The following DMRTC1 variants were observed in gnomAD, a reference collection of about 807,000 sequenced individuals.
DMRTC1 encodes the protein doublesex- and mab-3-related transcription factor C1.
For synonymous variants in DMRTC1, 7 were observed against 14.1 expected, an observed-to-expected ratio of 0.50 and a Z score of 1.13; for missense variants, 9 against 34.6, an observed-to-expected ratio of 0.26 and a Z score of 1.86.
chrX:72,879,119 G>T (rs2054824860), intron 1 of DMRTC1, among the ~76,000 whole-genome samples: 1 of 72,503 alleles, frequency 1.4e-5, no homozygotes, highest in Admixed American at 1.8e-4. Context: ...AGTAGAAATA[G>T]AATTGAAGTT....
intron 1 of DMRTC1, among the ~76,000 whole-genome samples, chrX:72,882,254 G>A (rs1556353168): frequency 1.8e-5 from 1 of 55,993 alleles, no homozygotes; most frequent in African/African-American, 7.1e-5. Flanking sequence ...TGCATTTGCT[G>A]TGGCAGAGAC....
Position 72,880,659 on chromosome X carries a change from T to TTTGCTTTGCTTTG in DMRTC1, c.-94-4872_-94-4871insCAAAGCAAAGCAA, listed in dbSNP as rs1569461353. Among the ~76,000 whole-genome samples the TTTGCTTTGCTTTG allele has an allele frequency of 9.1e-4, 12 of 13,236 alleles. No individual in the cohort carries two copies. In the East Asian group the frequency reaches 0.032, roughly 35 times the overall value. 11.5% of individuals were successfully genotyped at this position (13,236 alleles called of 115,157 possible). A position where few individuals can be genotyped will look rare whatever the true frequency, so the allele number is the denominator to read the frequency against. Reference sequence around the variant, plus strand: ...TTGCTTTGCTTTGCTTTGCTTTTTCTCTTTGCTTTGCTTTGCTTTTTCTCT... The same window carrying TTTGCTTTGCTTTG: ...TTGCTTTGCTTTGCTTTGCTTTTTCTTTGCTTTGCTTTGCTTTGCTTTGCTTTGCTTTTTCTCT... On this transcript the variant is annotated intron_variant, in intron 1 of 6. Transcript: ENST00000615063.
intron 6 of DMRTC1, 72 bp from the exon 7 acceptor site, chrX:72,872,636 G>C: frequency 8.4e-7 from 1 of 1,186,613 alleles, no homozygotes; most frequent in East Asian, 3.2e-5. Flanking sequence ...CTTTTTATGC[G>C]TCCCGCCCAA....
Position 72,913,549 on chromosome X carries a change from G to A in DMRTC1, c.-95+30026C>T, listed in dbSNP as rs1340933155. The A allele has an allele frequency of 7.7e-6, 3 of 388,238 alleles. No individual in the cohort carries two copies. In the African/African-American group the frequency reaches 8.5e-5, roughly 11 times the overall value. 32.0% of individuals were successfully genotyped at this position (388,238 alleles called of 1,213,427 possible). On this transcript the variant is annotated intron_variant, in intron 1 of 6. Coordinates refer to ENST00000615063, the MANE Select transcript of DMRTC1 (RefSeq NM_033053.3). Reference sequence around the variant, plus strand: ...TGCCCTCCTCGAGGCAGCGCTGCTTGTTACTAGGTCCTGGTGGCGATGGGC... The same window carrying A: ...TGCCCTCCTCGAGGCAGCGCTGCTTATTACTAGGTCCTGGTGGCGATGGGC...
At chrX:72,887,068 G>A (rs200668233) in intron 1 of DMRTC1, among the ~76,000 whole-genome samples, 32,971 of 55,409 alleles carry the variant, frequency 0.6, 10,932 homozygotes, top group Middle Eastern at 0.79. Context: ...TGTGCAGAAC[G>A]TGCAGGTTTG....
rs5902714 is a variant in DMRTC1 at position 72,876,865 on chromosome X, C to CTT, written c.-94-1079_-94-1078dup. Among the ~76,000 whole-genome samples, 29 of 32,642 alleles carry CTT rather than the reference C, an allele frequency of 8.9e-4. 1 individual carries two copies. The highest frequency in any genetic ancestry group is 4.0e-3 in the African/African-American group (19 of 4,728). 28.3% of individuals were successfully genotyped at this position (32,642 alleles called of 115,157 possible). A position where few individuals can be genotyped will look rare whatever the true frequency, so the allele number is the denominator to read the frequency against. On this transcript the variant is annotated intron_variant, in intron 1 of 6. Coordinates refer to ENST00000615063, the MANE Select transcript of DMRTC1 (RefSeq NM_033053.3). ...CATCCCTTCATGCATCCCCCCCGGCCTTTTTTTTTTTTTTTTTTTTTGAGA... is the reference window on the plus strand; with the variant it reads ...CATCCCTTCATGCATCCCCCCCGGCCTTTTTTTTTTTTTTTTTTTTTTTGAGA...
chrX:72,905,989 T>A (rs1345616934), intron 1 of DMRTC1, among the ~76,000 whole-genome samples: 2 of 104,988 alleles, frequency 1.9e-5, no homozygotes, highest in African/African-American at 7.2e-5. Context: ...AACAAACCTT[T>A]AGCCAGACTA....
intron 1 of DMRTC1, among the ~76,000 whole-genome samples, chrX:72,902,958 G>A (rs1218192176): frequency 1.6e-4 from 9 of 56,411 alleles, no homozygotes; most frequent in East Asian, 4.3e-3. Context: ...ATACACACAC[G>A]CAGAAAACTA....
rs781792370 is a variant in DMRTC1, at chrX:72,872,756, T to C, written c.467-192A>G. On this transcript the variant is annotated intron_variant, in intron 6 of 6. Transcript: ENST00000615063. ...ATCAAAGCCACCACAACTCTTTTTGTCAAGCTCAGGGTCTCTGAAATTGTT... is the reference window on the plus strand; with the variant it reads ...ATCAAAGCCACCACAACTCTTTTTGCCAAGCTCAGGGTCTCTGAAATTGTT... Among the ~76,000 whole-genome samples the C allele has an allele frequency of 5.1e-5, 5 of 98,049 alleles. No individual in the cohort carries two copies. The South Asian group carries it at 2.5e-3, about 49-fold the overall frequency. 85.1% of individuals were successfully genotyped at this position (98,049 alleles called of 115,157 possible). A position where few individuals can be genotyped will look rare whatever the true frequency, so the allele number is the denominator to read the frequency against.
At chrX:72,913,683 G>A (rs2054970759) in intron 1 of DMRTC1, among the ~76,000 whole-genome samples, 1 of 64,372 alleles carries the variant, frequency 1.6e-5, no homozygotes, top group Admixed American at 2.2e-4. Context: ...GAATGAGGAC[G>A]GAATAACATC....
Position 72,874,929 on chromosome X carries a change from G to A in DMRTC1, c.153C>T (p.Gly51=). The A allele has an allele frequency of 3.9e-6, 1 of 254,320 alleles. No homozygotes were observed. The highest frequency in any genetic ancestry group is 5.9e-6 in the Non-Finnish European group (1 of 170,306). The allele number at this position is 254,320 out of a possible 1,213,427, so 21.0% of individuals were successfully genotyped here. The change falls in exon 4 of 7, where the codon GGC becomes GGT. Residue 51 remains glycine (G), a synonymous_variant. Transcript: ENST00000615063. The part of the protein sequence containing the change: ...EGSSQGALLL[G]QAPEPLSLPC... ...GCAGAGACAAAGGTTCTGGGGCCTG[G>A]CCAAGCAGCAGAGCCCCTTGGGAGC...
intron 1 of DMRTC1, chrX:72,913,071 T>A: frequency 2.0e-6 from 1 of 494,843 alleles, no homozygotes; most frequent in Non-Finnish European, 3.6e-6. Flanking sequence ...CAGAGGGCCC[T>A]GGCATGTTTC....
rs1273386177 is a variant in DMRTC1 at position 72,872,640 on chromosome X, C to T, written c.467-76G>A. Reference sequence around the variant, plus strand: ...CCAGATCTACTCTTTTTATGCGTCCCGCCCAACCAAAGATTTGTCACCTGG... The same window carrying T: ...CCAGATCTACTCTTTTTATGCGTCCTGCCCAACCAAAGATTTGTCACCTGG... On this transcript the variant is annotated intron_variant, in intron 6 of 6. Transcript: ENST00000615063. The T allele has an allele frequency of 5.9e-6, 7 of 1,182,330 alleles. No homozygotes were observed. The Admixed American group carries it at 7.2e-5, about 12-fold the overall frequency.
chrX:72,879,147 G>GTTTTTTTTTTT (rs781972795), intron 1 of DMRTC1, among the ~76,000 whole-genome samples: 14 of 12,765 alleles, frequency 1.1e-3, no homozygotes, highest in Non-Finnish European at 1.7e-3. Flanking sequence ...TTTTTTGTTT[G>GTTTTTTTTTTT]TTTTTTTTTT....
intron 1 of DMRTC1, among the ~76,000 whole-genome samples, chrX:72,879,827 TCCCA>T (rs2054838148): frequency 4.9e-5 from 2 of 40,841 alleles, no homozygotes; most frequent in African/African-American, 1.3e-4. Context: ...CTTCCCTCCC[TCCCA>T]CCCTTCCTTC....
chrX:72,887,286 G>A (rs1174712579), intron 1 of DMRTC1, among the ~76,000 whole-genome samples: 11 of 17,967 alleles, frequency 6.1e-4, no homozygotes, highest in Non-Finnish European at 9.0e-4. Flanking sequence ...AACATGCGGC[G>A]TTTGGTTTTC....
intron 1 of DMRTC1, chrX:72,913,264 G>C: frequency 2.2e-6 from 2 of 906,695 alleles, no homozygotes; most frequent in Non-Finnish European, 3.1e-6. Flanking sequence ...AGGATACCGG[G>C]CACTCGGAAT....
At position 72,881,403 on chromosome X, in the gene DMRTC1, T is replaced by A. The variant is rs1386704649; in HGVS notation, c.-94-5615A>T. On this transcript the variant is annotated intron_variant, in intron 1 of 6. Transcript: ENST00000615063. ...GTCTCATTGCTTTATCTCTCAGTAA[T>A]TTTTTTCTTGCCTAACCACGTAGCA... Among the ~76,000 whole-genome samples, 2 of 17,492 alleles carry A rather than the reference T, an allele frequency of 1.1e-4. 1 individual carries two copies. The highest frequency in any genetic ancestry group is 3.1e-4 in the Non-Finnish European group (2 of 6,368). 15.2% of individuals were successfully genotyped at this position (17,492 alleles called of 115,157 possible). A position where few individuals can be genotyped will look rare whatever the true frequency, so the allele number is the denominator to read the frequency against.
chrX:72,905,829 G>C (rs1170378771), intron 1 of DMRTC1, among the ~76,000 whole-genome samples: 1 of 107,914 alleles, frequency 9.3e-6, no homozygotes, highest in Admixed American at 9.7e-5. Context: ...CAGGAACTAG[G>C]AAAAGAAGAA....
Sources: gnomAD v4.1 joint callset for allele counts (sites outside exome capture counted in the v4.1 genomes callset) on GRCh38, gnomAD v4.1.1 for gene constraint, MANE v1.5 for transcripts, NCBI Gene and HGNC (gene_info 2026-07-23, HGNC 2026-07-21) for gene names.